The following DMXL2 variants were observed in gnomAD, a reference collection of about 807,000 sequenced individuals.
The protein encoded by DMXL2 is dmX-like protein 2.
Under a neutral mutation model 331.1 loss-of-function variants are expected in DMXL2, and 103 were observed. The observed-to-expected ratio is 0.31, with a 90% CI of 0.27 to 0.37. The LOEUF is 0.37. Ranked by LOEUF, DMXL2 falls within the 10% of genes least tolerant of loss-of-function variation. DMXL2 has a pLI of 1.00. For synonymous variants in DMXL2, 1,281 were observed against 1,252.1 expected, an observed-to-expected ratio of 1.02 and a Z score of -0.49; for missense variants, 3,171 against 3,642.9, an observed-to-expected ratio of 0.87 and a Z score of 3.33.
chr15:51,517,971 G>A (rs7170848), intron 13 of DMXL2, among the ~76,000 whole-genome samples: 1,767 of 152,308 alleles, frequency 0.012, 26 homozygotes, highest in East Asian at 0.026. Context: ...AGGTAGGGCT[G>A]AATTTACTGA....
chr15:51,483,866 C>T (rs989333795), intron 23 of DMXL2, among the ~76,000 whole-genome samples: 1 of 151,856 alleles, frequency 6.6e-6, no homozygotes, highest in South Asian at 2.1e-4. Flanking sequence ...GTGTGCACAC[C>T]CCTTAGCCAG....
In DMXL2 at chr15:51,589,900, T is replaced by A. The variant is rs1254635024; in HGVS notation, c.88-13719A>T. Among the ~76,000 whole-genome samples the A allele has an allele frequency of 2.6e-5, 4 of 152,328 alleles. No individual in the cohort carries two copies. In the East Asian group the frequency reaches 7.7e-4, roughly 29 times the overall value. On this transcript the variant is annotated intron_variant, in intron 1 of 43. Transcript: ENST00000560891. ...CAGACATGCAAACAAAGATCACAAT[T>A]AGTATTAAGATGTTTATTGCACCAT...
chr15:51,452,920 G>C (rs2039278012), intron 41 of DMXL2, among the ~76,000 whole-genome samples: 1 of 152,160 alleles, frequency 6.6e-6, no homozygotes, highest in African/African-American at 2.4e-5. Context: ...AAAGGAATGA[G>C]ATAATCACAT....
At chr15:51,482,737 C>T (rs1358845993) in intron 23 of DMXL2, among the ~76,000 whole-genome samples, 1 of 152,090 alleles carries the variant, frequency 6.6e-6, no homozygotes, top group Non-Finnish European at 1.5e-5. Context: ...AATTCAGAAA[C>T]CTGAAGAAGT....
intron 16 of DMXL2, among the ~76,000 whole-genome samples, chr15:51,506,598 C>T (rs1454124160): frequency 1.1e-4 from 16 of 151,958 alleles, no homozygotes; most frequent in East Asian, 5.8e-4. Flanking sequence ...GGACTACAGG[C>T]GCCCGCCACC....
rs191911950 is a variant in DMXL2 at position 51,524,377 on chromosome 15, T to G, written c.2437-7210A>C. 1.2e-4 allele frequency among the ~76,000 whole-genome samples: 18 copies of G among 152,182 alleles called. No homozygotes were observed. In the East Asian group the frequency reaches 3.5e-3, roughly 29 times the overall value. ...ATGGCAGAATAGAGGGCTCCCCCAA[T>G]CGTCCCCCAAGCAAGAACACCAATT... On this transcript the variant is annotated intron_variant, in intron 13 of 43. Transcript: ENST00000560891.
chr15:51,452,533 C>T (rs1157298152), intron 41 of DMXL2, among the ~76,000 whole-genome samples: 3 of 152,106 alleles, frequency 2.0e-5, no homozygotes, highest in African/African-American at 7.2e-5. Flanking sequence ...CAAATTAAAA[C>T]TCCAATACGA....
chr15:51,549,048 G>A (rs1186949674), intron 6 of DMXL2, among the ~76,000 whole-genome samples: 2 of 151,810 alleles, frequency 1.3e-5, no homozygotes, highest in Admixed American at 6.6e-5. Flanking sequence ...TGGGATTTTG[G>A]TGCACCCATC....
chr15:51,510,722 C>T (rs1441666569), intron 15 of DMXL2, among the ~76,000 whole-genome samples: 1 of 152,112 alleles, frequency 6.6e-6, no homozygotes, highest in Non-Finnish European at 1.5e-5. Context: ...CAAAAAAGAG[C>T]CCTCGTAGCC....
chr15:51,566,783 A>G (rs908444638), intron 3 of DMXL2, among the ~76,000 whole-genome samples: 3 of 152,316 alleles, frequency 2.0e-5, no homozygotes, highest in African/African-American at 7.2e-5. Context: ...CAGCATTCAG[A>G]TTTAGCATTT....
At position 51,478,283 on chromosome 15, in the gene DMXL2, C is replaced by G; in HGVS notation, c.6821G>C (p.Ser2274Thr). The change falls in exon 26 of 44, where the codon AGT becomes ACT. Residue 2274 changes from serine to threonine, a missense_variant. Transcript: ENST00000560891. ...GATTTTTTTTTACCTGTAGCTATGA[C>G]TGTCACATAATGCTTGGTAAATTGA... is the stretch of plus-strand genomic sequence containing the variant. Reference protein sequence around the residue: ...SASIYQALCDSHSYSSQTEGN... With the variant: ...SASIYQALCDTHSYSSQTEGN... 2 of 1,612,452 alleles carry G rather than the reference C, an allele frequency of 1.2e-6. No individual in the cohort carries two copies. Among genetic ancestry groups the G allele is most frequent in the Non-Finnish European group, 1.7e-6 (2 of 1,179,092 alleles).
chr15:51,588,271 C>T, intron 1 of DMXL2, among the ~76,000 whole-genome samples: 1 of 152,026 alleles, frequency 6.6e-6, no homozygotes, highest in Admixed American at 6.5e-5. Context: ...AATCCTCCCA[C>T]TTCAGCCTCC....
Position 51,491,757 on chromosome 15 carries a change from A to G in DMXL2, c.4784-10T>C, listed in dbSNP as rs757206259. 17 of 1,586,988 alleles carry G rather than the reference A, an allele frequency of 1.1e-5. No individual in the cohort carries two copies. In the East Asian group the frequency reaches 3.8e-4, roughly 36 times the overall value. On this transcript the variant is annotated splice_polypyrimidine_tract_variant and intron_variant, in intron 19 of 43. Transcript: ENST00000560891. Reference sequence around the variant, plus strand: ...TGGCATGTAGAGACACCTAAATTGGAAATATAAAATAATAATCTGCGTAAC... The same window carrying G: ...TGGCATGTAGAGACACCTAAATTGGGAATATAAAATAATAATCTGCGTAAC...
chr15:51,483,595 C>T (rs1005722239), intron 23 of DMXL2, among the ~76,000 whole-genome samples: 3 of 152,332 alleles, frequency 2.0e-5, no homozygotes, highest in African/African-American at 7.2e-5. Context: ...GCTGATATGC[C>T]CCCAGGCCAG....
chr15:51,473,993 C>T (rs1412044259), intron 28 of DMXL2, among the ~76,000 whole-genome samples: 7 of 150,066 alleles, frequency 4.7e-5, no homozygotes, highest in South Asian at 4.2e-4. Context: ...AAGAACTATC[C>T]GTTTTGTTTT....
intron 23 of DMXL2, among the ~76,000 whole-genome samples, chr15:51,482,169 A>G (rs925553601): frequency 2.0e-5 from 3 of 152,222 alleles, no homozygotes; most frequent in African/African-American, 7.2e-5. Context: ...CAGTCTATCA[A>G]GTTGGTAGCA....
At chr15:51,471,583 G>C (rs763513411) in intron 28 of DMXL2, among the ~76,000 whole-genome samples, 182 bp from the exon 29 acceptor site, 8 of 152,266 alleles carry the variant, frequency 5.3e-5, no homozygotes, top group Middle Eastern at 6.8e-3. Context: ...CAGAGATACA[G>C]ATGGAGATAA....
At chr15:51,461,580 A>C (rs2040129874) in intron 33 of DMXL2, among the ~76,000 whole-genome samples, 1 of 152,196 alleles carries the variant, frequency 6.6e-6, no homozygotes, top group Non-Finnish European at 1.5e-5. Flanking sequence ...ACAGGGTCTC[A>C]CTTTGTTACC....
intron 1 of DMXL2, among the ~76,000 whole-genome samples, chr15:51,611,074 G>A (rs2053935910): frequency 6.6e-6 from 1 of 151,602 alleles, no homozygotes; most frequent in Non-Finnish European, 1.5e-5. Flanking sequence ...TAAGGTAGGG[G>A]AAAAACAGCA....
Sources: allele counts gnomAD v4.1 joint callset (sites outside exome capture counted in the v4.1 genomes callset), GRCh38; gene constraint gnomAD v4.1.1; transcripts MANE v1.5; gene names NCBI Gene and HGNC (gene_info 2026-07-23, HGNC 2026-07-21).